The following PHACTR2 variants were observed in gnomAD, a reference collection of about 807,000 sequenced individuals.
PHACTR2 encodes phosphatase and actin regulator 2.
In PHACTR2, 30 loss-of-function variants were observed where a neutral mutation model predicts 76.0. The observed-to-expected ratio is 0.39, with a 90% CI of 0.30 to 0.54. The LOEUF (loss-of-function observed/expected upper bound fraction) is 0.54, where lower values mean the gene tolerates loss of function less well. PHACTR2 is among the 20% of genes least tolerant of loss of function. PHACTR2 has a pLI of 0.61. For missense variants in PHACTR2, 696 were observed against 781.1 expected (o/e 0.89, Z 1.30); for synonymous variants, 292 against 292.5 (o/e 1.00, Z 0.02).
At position 143,680,100 on chromosome 6, in the gene PHACTR2, G is replaced by T. The variant is rs924756766; in HGVS notation, c.46+1891G>T. Among the ~76,000 whole-genome samples, 1 of 151,506 alleles carries T rather than the reference G, an allele frequency of 6.6e-6. No individual in the cohort carries two copies. The highest frequency in any genetic ancestry group is 1.5e-5 in the Non-Finnish European group (1 of 67,952). ...ATCCAGTGTCTCTAAATCCGTTAGAGCTACCCTGTTTCCCTGAAGGTTTGC... is the reference window on the plus strand; with the variant it reads ...ATCCAGTGTCTCTAAATCCGTTAGATCTACCCTGTTTCCCTGAAGGTTTGC... On this transcript the variant is annotated intron_variant, in intron 1 of 12. Coordinates refer to ENST00000440869, the MANE Select transcript of PHACTR2 (RefSeq NM_001100164.2). This position sits in a 1 kb window ranked among gnomAD's most constrained non-coding sequence, Gnocchi z 4.5.
chr6:143,732,322 C>G (rs1460709280), intron 2 of PHACTR2, among the ~76,000 whole-genome samples: 1 of 152,216 alleles, frequency 6.6e-6, no homozygotes, highest in Non-Finnish European at 1.5e-5. Context: ...GCTCTACTTT[C>G]TATCTCTGCG....
chr6:143,685,113 CAAGTT>C (rs1364519959), intron 1 of PHACTR2, among the ~76,000 whole-genome samples: 1 of 151,766 alleles, frequency 6.6e-6, no homozygotes, highest in Non-Finnish European at 1.5e-5. Flanking sequence ...ATTTTTAAGT[CAAGTT>C]GATTAGTCGT....
chr6:143,625,400 T>C lies in PHACTR2; in HGVS notation c.13+17078T>C, dbSNP rs1030576901. On this transcript the variant is annotated intron_variant, in intron 1 of 11. Transcript: ENST00000305766. The surrounding 1 kb of genome is among the most constrained non-coding windows in gnomAD (Gnocchi z 4.3). ...ATATTTAAGTTATAAATTTATTAGT[T>C]ATTTATAACTTAATCTTTATAAGCA... 1.3e-5 allele frequency among the ~76,000 whole-genome samples: 2 copies of C among 152,196 alleles called. No individual in the cohort carries two copies. Among genetic ancestry groups the C allele is most frequent in the Non-Finnish European group, 2.9e-5 (2 of 68,032 alleles).
chr6:143,780,667 G>C lies in PHACTR2; in HGVS notation c.1646-2552G>C, dbSNP rs1323667129. Among the ~76,000 whole-genome samples the C allele has an allele frequency of 6.6e-6, 1 of 152,096 alleles. No individual in the cohort carries two copies. The highest frequency in any genetic ancestry group is 2.4e-5 in the African/African-American group (1 of 41,400). On this transcript the variant is annotated intron_variant, in intron 9 of 12. Transcript: ENST00000440869. This position sits in a 1 kb window ranked among gnomAD's most constrained non-coding sequence, Gnocchi z 4.4. ...TTGCTCGCTAGGCGGGTTTCCTGTG[G>C]TGCTTGCTGCTGTTTAACCACATGT...
At chr6:143,810,096 A>G (rs2128484412) in intron 12 of PHACTR2, among the ~76,000 whole-genome samples, 1 of 152,162 alleles carries the variant, frequency 6.6e-6, no homozygotes, top group African/African-American at 2.4e-5. Context: ...AGGCAACAGA[A>G]AGAAATCCTG....
chr6:143,681,580 T>A (rs1410400712), intron 1 of PHACTR2, among the ~76,000 whole-genome samples: 2 of 152,308 alleles, frequency 1.3e-5, no homozygotes, highest in Admixed American at 1.3e-4. Flanking sequence ...CTCAGAATTT[T>A]AAAGTTTTGA....
intron 1 of PHACTR2, among the ~76,000 whole-genome samples, chr6:143,579,544 G>A (rs1775549536): frequency 6.6e-6 from 1 of 151,948 alleles, no homozygotes; most frequent in Non-Finnish European, 1.5e-5. Flanking sequence ...AAAGAGGCGA[G>A]CGGACAGCTG....
chr6:143,813,550 G>A (rs950370825), intron 12 of PHACTR2, among the ~76,000 whole-genome samples: 5 of 150,150 alleles, frequency 3.3e-5, no homozygotes, highest in South Asian at 2.1e-4. Flanking sequence ...CCCGGGAGGC[G>A]GAGCTTGCAG....
In PHACTR2 at chr6:143,654,813, A is replaced by T. The variant is rs1240986329; in HGVS notation, c.13+46491A>T. Among the ~76,000 whole-genome samples the T allele has an allele frequency of 6.6e-6, 1 of 152,132 alleles. No homozygotes were observed. Among genetic ancestry groups the T allele is most frequent in the East Asian group, 1.9e-4 (1 of 5,168 alleles). The stretch of plus-strand genomic sequence containing the variant: ...AGCAAGACCTTGTCTCTACAAATAA[A>T]CAAAAACTAAATGAAGTATTGATAC... On this transcript the variant is annotated intron_variant, in intron 1 of 11. Coordinates refer to the PHACTR2 transcript ENST00000305766. This position sits in a 1 kb window ranked among gnomAD's most constrained non-coding sequence, Gnocchi z 4.6.
In PHACTR2 at chr6:143,546,357, TA is replaced by T. The variant is rs57905621; in HGVS notation, c.217+9165del. Among the ~76,000 whole-genome samples, 45,080 of 143,018 alleles carry T rather than the reference TA, an allele frequency of 0.32. 7,386 individuals carry two copies. The highest frequency in any genetic ancestry group is 0.4 in the Non-Finnish European group (25,905 of 65,388). 93.8% of individuals were successfully genotyped at this position (143,018 alleles called of 152,430 possible). Reference sequence around the variant, plus strand: ...TCGTAACAGGAAGAAACTTGTGACTTAAAAAAAAAAAAAAACATGTTATCTC... The same window carrying T: ...TCGTAACAGGAAGAAACTTGTGACTTAAAAAAAAAAAAAACATGTTATCTC... On this transcript the variant is annotated intron_variant, in intron 1 of 11. Transcript: ENST00000367584. The surrounding 1 kb of genome is among the most constrained non-coding windows in gnomAD (Gnocchi z 4.9).
Position 143,621,959 on chromosome 6 carries a change from GT to G in PHACTR2, c.13+13641del, listed in dbSNP as rs1776162289. ...CCCATCTCCCTCCTTCTAATCTGCT[GT>G]TTTCTTCTTTTTGTGTGTGTGGTCT... On this transcript the variant is annotated intron_variant, in intron 1 of 11. Transcript: ENST00000305766. The surrounding 1 kb of genome is among the most constrained non-coding windows in gnomAD (Gnocchi z 4.1). Among the ~76,000 whole-genome samples the G allele has an allele frequency of 6.6e-6, 1 of 152,138 alleles. No individual in the cohort carries two copies. The highest frequency in any genetic ancestry group is 1.5e-5 in the Non-Finnish European group (1 of 68,006).
In PHACTR2 at chr6:143,633,349, A is replaced by G. The variant is rs574556143; in HGVS notation, c.13+25027A>G. On this transcript the variant is annotated intron_variant, in intron 1 of 11. Coordinates refer to the PHACTR2 transcript ENST00000305766. This position sits in a 1 kb window ranked among gnomAD's most constrained non-coding sequence, Gnocchi z 4.1. ...TTGTTGCTTCAATTTGCAATTCCCT[A>G]TCGGCATATGATGCTGAACATCTTT... Among the ~76,000 whole-genome samples, 1 of 152,242 alleles carries G rather than the reference A, an allele frequency of 6.6e-6. No homozygotes were observed. Among genetic ancestry groups the G allele is most frequent in the South Asian group, 2.1e-4 (1 of 4,822 alleles).
rs1425248113 is a variant in PHACTR2 at position 143,776,820 on chromosome 6, G to A, written c.1590-508G>A. ...TATGGTGGGAGCATGGCTCCTTGAA[G>A]TCTGCCTGGCAGCCCCATTCCTTCT... is the stretch of plus-strand genomic sequence containing the variant. On this transcript the variant is annotated intron_variant, in intron 8 of 12. Coordinates refer to ENST00000440869, the MANE Select transcript of PHACTR2 (RefSeq NM_001100164.2). The surrounding 1 kb of genome is among the most constrained non-coding windows in gnomAD (Gnocchi z 5.3). Among the ~76,000 whole-genome samples, 1 of 152,212 alleles carries A rather than the reference G, an allele frequency of 6.6e-6. No individual in the cohort carries two copies. The highest frequency in any genetic ancestry group is 1.5e-5 in the Non-Finnish European group (1 of 68,028).
intron 12 of PHACTR2, among the ~76,000 whole-genome samples, chr6:143,817,965 A>G (rs967460976): frequency 3.3e-5 from 5 of 152,188 alleles, no homozygotes; most frequent in African/African-American, 1.2e-4. Flanking sequence ...TTTATTGCAT[A>G]TGTTCAAAAA....
Position 143,800,686 on chromosome 6 carries a change from C to T in PHACTR2, c.1846-6371C>T, listed in dbSNP as rs1247779267. Among the ~76,000 whole-genome samples, 1 of 152,164 alleles carries T rather than the reference C, an allele frequency of 6.6e-6. No individual in the cohort carries two copies. Among genetic ancestry groups the T allele is most frequent in the Non-Finnish European group, 1.5e-5 (1 of 68,036 alleles). On this transcript the variant is annotated intron_variant, in intron 11 of 12. Coordinates refer to ENST00000440869, the MANE Select transcript of PHACTR2 (RefSeq NM_001100164.2). This position sits in a 1 kb window ranked among gnomAD's most constrained non-coding sequence, Gnocchi z 4.8. ...TGTGTCTTTTAATTGGGGCATTTAG[C>T]CCATTTACATTTAAGGTTAATATTG...
intron 1 of PHACTR2, among the ~76,000 whole-genome samples, chr6:143,566,256 A>G (rs763180955): frequency 4.6e-5 from 7 of 151,332 alleles, no homozygotes; most frequent in Non-Finnish European, 8.8e-5. Flanking sequence ...GAACCACTGC[A>G]TCTTGCCAGT....
At position 143,739,033 on chromosome 6, in the gene PHACTR2, A is replaced by G. The variant is rs954849975; in HGVS notation, c.215-9952A>G. 7.9e-5 allele frequency among the ~76,000 whole-genome samples: 12 copies of G among 152,232 alleles called. No individual in the cohort carries two copies. The highest frequency in any genetic ancestry group is 2.6e-4 in the African/African-American group (11 of 41,554). ...TCTTAGTTTGAAAAGCTTCATTACC[A>G]TTTACAGCTGAGATTCACTTTATTT... On this transcript the variant is annotated intron_variant, in intron 2 of 12. Coordinates refer to ENST00000440869, the MANE Select transcript of PHACTR2 (RefSeq NM_001100164.2). This position sits in a 1 kb window ranked among gnomAD's most constrained non-coding sequence, Gnocchi z 4.3.
At position 143,646,264 on chromosome 6, in the gene PHACTR2, T is replaced by A. The variant is rs943698332; in HGVS notation, c.13+37942T>A. ...CATTGTTAGAGTGTCTATGTCTATG[T>A]CAGTAATTGGGATTATTTTTAAACT... On this transcript the variant is annotated intron_variant, in intron 1 of 11. Transcript: ENST00000305766. The surrounding 1 kb of genome is among the most constrained non-coding windows in gnomAD (Gnocchi z 4.1). Among the ~76,000 whole-genome samples, 2 of 152,146 alleles carry A rather than the reference T, an allele frequency of 1.3e-5. No individual in the cohort carries two copies. The highest frequency in any genetic ancestry group is 2.9e-5 in the Non-Finnish European group (2 of 68,024).
rs998030199 is a variant in PHACTR2, at chr6:143,775,254, C to T, written c.1589+1039C>T. Reference sequence around the variant, plus strand: ...AAAAGCACAGCCTACCAGGGAACCTCGGGGGAGGCTTAGAGGGTCTCTCTG... The same window carrying T: ...AAAAGCACAGCCTACCAGGGAACCTTGGGGGAGGCTTAGAGGGTCTCTCTG... On this transcript the variant is annotated intron_variant, in intron 8 of 12. Transcript: ENST00000440869. This position sits in a 1 kb window ranked among gnomAD's most constrained non-coding sequence, Gnocchi z 4.4. Among the ~76,000 whole-genome samples the T allele has an allele frequency of 3.5e-4, 53 of 152,212 alleles. No homozygotes were observed. Among genetic ancestry groups the T allele is most frequent in the Non-Finnish European group, 7.1e-4 (48 of 67,992 alleles).
Sources: gnomAD v4.1 joint callset for allele counts (sites outside exome capture counted in the v4.1 genomes callset) on GRCh38, gnomAD v4.1.1 for gene constraint, Gnocchi (gnomAD v3.1) non-coding constraint, MANE v1.5 for transcripts, NCBI Gene and HGNC (gene_info 2026-07-23, HGNC 2026-07-21) for gene names.